PAXX: variants seen among roughly 807,000 people sequenced by gnomAD.
PAXX encodes PAXX non-homologous end joining factor, also known as protein PAXX.
A neutral mutation model predicts 25.6 loss-of-function variants in PAXX; 27 were observed. The observed-to-expected ratio is 1.06, with a 90% confidence interval of 0.78 to 1.46. PAXX has a LOEUF of 1.46. PAXX is among the 40% of genes most tolerant of loss of function. PAXX has a pLI of 0.00. For synonymous variants in PAXX, 126 were observed against 125.7 expected (o/e 1.00, Z -0.02); for missense variants, 295 against 280.2 (o/e 1.05, Z -0.38).
chr9:136,993,693 C>G, intron 6 of PAXX, 29 bp downstream of exon 6: 2 of 1,613,324 alleles, frequency 1.2e-6, no homozygotes, highest in Non-Finnish European at 1.7e-6. Context: ...CTTCCTGCGC[C>G]CAGGGTCCAA....
chr9:136,993,140 C>T lies in PAXX; in HGVS notation c.318C>T (p.Ala106=), dbSNP rs1422291680. The T allele has an allele frequency of 1.3e-6, 2 of 1,595,244 alleles. No individual in the cohort carries two copies. The highest frequency in any genetic ancestry group is 1.7e-6 in the Non-Finnish European group (2 of 1,171,260). Reference sequence around the variant, plus strand: ...TTTCAGGGGGGCCCTCGGCACTGGCCTTTGACCTCTCCAAGGTACCAGGCC... The same window carrying T: ...TTTCAGGGGGGCCCTCGGCACTGGCTTTTGACCTCTCCAAGGTACCAGGCC... ...LTLSGGPSAL[A]FDLSKVPGPE... Residue 106 remains alanine (A), a synonymous_variant, in exon 4 of 7, where the codon GCC becomes GCT. Coordinates refer to ENST00000371620, the MANE Select transcript of PAXX (RefSeq NM_183241.3).
At position 136,993,345 on chromosome 9, in the gene PAXX, G is replaced by A; in HGVS notation, c.424G>A (p.Ala142Thr). Residue 142 changes from alanine to threonine, a missense_variant and splice_region_variant, in exon 5 of 7, where the codon GCA becomes ACA. Coordinates refer to ENST00000371620, the MANE Select transcript of PAXX (RefSeq NM_183241.3). ...TTCCCATGGGCTTTCCTCCCCAGCT[G>A]CAGAAGAGACAGCTGTCAGCCCGAG... Reference protein sequence around the residue: ...VWSLERRLAAAEETAVSPRKS... With the variant: ...VWSLERRLAATEETAVSPRKS... 1 of 1,605,308 alleles carries A rather than the reference G, an allele frequency of 6.2e-7. No individual in the cohort carries two copies. Among genetic ancestry groups the A allele is most frequent in the African/African-American group, 1.3e-5 (1 of 74,810 alleles).
Position 136,992,679 on chromosome 9 carries a change from G to T in PAXX, c.159G>T (p.Thr53=), listed in dbSNP as rs1297384997. ...DAAELWSTCF[T]PDSLAALKAR... ...CGGAGCTTTGGAGCACCTGCTTCAC[G>T]CCGGACAGCCTGGCGGCCCTCGTGG... The change falls in exon 2 of 7, where the codon ACG becomes ACT. Residue 53 remains threonine (T), a synonymous_variant. Coordinates refer to ENST00000371620, the MANE Select transcript of PAXX (RefSeq NM_183241.3). The T allele has an allele frequency of 6.5e-7, 1 of 1,540,560 alleles. No homozygotes were observed. Among genetic ancestry groups the T allele is most frequent in the African/African-American group, 1.4e-5 (1 of 73,182 alleles).
chr9:136,993,645 ATCAACCCCGGGT>A lies in PAXX; in HGVS notation c.561_572del (p.Asn187_Phe190del). On this transcript the variant is annotated inframe_deletion, in exon 6 of 7. Transcript: ENST00000371620. ...GAGGCGGTGTCCAGGAGAGTCGCTC[ATCAACCCCGGGT>A]TCAAGAGGTACCCTCCCACAGCCCC... The A allele has an allele frequency of 6.2e-7, 1 of 1,613,768 alleles. No individual in the cohort carries two copies. Among genetic ancestry groups the A allele is most frequent in the Non-Finnish European group, 8.5e-7 (1 of 1,179,982 alleles).
Position 136,992,503 on chromosome 9 carries a change from C to G in PAXX, c.60C>G (p.Phe20Leu). The change falls in exon 1 of 7, where the codon TTC (phenylalanine) becomes TTG (leucine). Residue 20 changes from phenylalanine to leucine, a missense_variant. By Grantham distance (22) the Phe-to-Leu change is conservative (BLOSUM62 0). Transcript: ENST00000371620. ...TLPPGPEPPRFVCYCEGEESG... is the reference protein window; with the variant it reads ...TLPPGPEPPRLVCYCEGEESG... Reference sequence around the variant, plus strand: ...CGCCGGGCCCCGAGCCGCCCCGCTTCGTGTGCTACTGCGAAGGGGAGGAAA... The same window carrying G: ...CGCCGGGCCCCGAGCCGCCCCGCTTGGTGTGCTACTGCGAAGGGGAGGAAA... 4 of 1,411,386 alleles carry G rather than the reference C, an allele frequency of 2.8e-6. No individual in the cohort carries two copies. Among genetic ancestry groups the G allele is most frequent in the Non-Finnish European group, 3.7e-6 (4 of 1,079,628 alleles). 87.4% of individuals were successfully genotyped at this position (1,411,386 alleles called of 1,614,324 possible).
At chr9:136,992,606 C>A in intron 1 of PAXX, 34 bp from the exon 2 acceptor site, 4 of 1,531,166 alleles carry the variant, frequency 2.6e-6, no homozygotes, top group Non-Finnish European at 2.6e-6. Context: ...GGGAGCTCCG[C>A]GGGCGGCCCC....
Position 136,992,546 on chromosome 9 carries a change from G to A in PAXX, c.103G>A (p.Gly35Ser). ...GGAGGAAAGCGGGGAGGGGGACCGC[G>A]GCGGCTTCAACCTCTAGTGAGTGGG... is the stretch of plus-strand genomic sequence containing the variant. ...EGEESGEGDR[G>S]GFNLYVTDAA... Residue 35 changes from glycine (G) to serine (S), a missense_variant, in exon 1 of 7, where the codon GGC becomes AGC. Coordinates refer to ENST00000371620, the MANE Select transcript of PAXX (RefSeq NM_183241.3). 6.8e-7 allele frequency: 1 copy of A among 1,463,482 alleles called. No individual in the cohort carries two copies. Among genetic ancestry groups the A allele is most frequent in the Non-Finnish European group, 9.1e-7 (1 of 1,102,430 alleles). The allele number at this position is 1,463,482 out of a possible 1,614,324, so 90.7% of individuals were successfully genotyped here. A position where few individuals can be genotyped will look rare whatever the true frequency, so the allele number is the denominator to read the frequency against.
rs1183599659 is a variant in PAXX, at chr9:136,992,991, G to T, written c.230+17G>T. On this transcript the variant is annotated intron_variant, in intron 3 of 6. Coordinates refer to ENST00000371620, the MANE Select transcript of PAXX (RefSeq NM_183241.3). ...CCGGTTCAGGTGAGACCCAAGCAGG[G>T]AGGAAGGACGGGTGGGGAGGAGGAG... is the stretch of plus-strand genomic sequence containing the variant. 1.2e-6 allele frequency: 2 copies of T among 1,613,454 alleles called. No homozygotes were observed. The highest frequency in any genetic ancestry group is 2.2e-5 in the East Asian group (1 of 44,884).
intron 6 of PAXX, 50 bp from the exon 7 acceptor site, chr9:136,993,716 C>T (rs914290063): frequency 4.2e-5 from 68 of 1,612,938 alleles, no homozygotes; most frequent in Non-Finnish European, 5.1e-5. Context: ...CTGGACCCCA[C>T]CCCTTTCTCC....
Position 136,992,558 on chromosome 9 carries a change from C to A in PAXX, c.115C>A (p.Leu39Ile). ...GGAGGGGGACCGCGGCGGCTTCAACCTCTAGTGAGTGGGGGTCCGCGGGGA... is the reference window on the plus strand; with the variant it reads ...GGAGGGGGACCGCGGCGGCTTCAACATCTAGTGAGTGGGGGTCCGCGGGGA... ...SGEGDRGGFNLYVTDAAELWS... is the reference protein window; with the variant it reads ...SGEGDRGGFNIYVTDAAELWS... Residue 39 changes from leucine to isoleucine, a missense_variant, in exon 1 of 7, where the codon CTC (leucine) becomes ATC (isoleucine). Leu to Ile is a conservative substitution (Grantham distance 5, BLOSUM62 2). Transcript: ENST00000371620. 6.7e-7 allele frequency: 1 copy of A among 1,497,572 alleles called. No homozygotes were observed. The highest frequency in any genetic ancestry group is 2.2e-5 in the Admixed American group (1 of 45,006). 92.8% of individuals were successfully genotyped at this position (1,497,572 alleles called of 1,614,324 possible).
In PAXX at chr9:136,993,132, G is replaced by A; in HGVS notation, c.310G>A (p.Ala104Thr). 6.3e-7 allele frequency: 1 copy of A among 1,599,056 alleles called. No homozygotes were observed. Among genetic ancestry groups the A allele is most frequent in the South Asian group, 1.1e-5 (1 of 89,488 alleles). Residue 104 changes from alanine (A) to threonine (T), a missense_variant, in exon 4 of 7, where the codon GCA becomes ACA. Ala to Thr is a moderately conservative substitution (Grantham distance 58). Transcript: ENST00000371620. ...ASLTLSGGPS[A>T]LAFDLSKVPG... Reference sequence around the variant, plus strand: ...CCTGACGCTTTCAGGGGGGCCCTCGGCACTGGCCTTTGACCTCTCCAAGGT... The same window carrying A: ...CCTGACGCTTTCAGGGGGGCCCTCGACACTGGCCTTTGACCTCTCCAAGGT...
chr9:136,992,571 G>T lies in PAXX; in HGVS notation c.119+9G>T. The T allele has an allele frequency of 6.6e-7, 1 of 1,507,958 alleles. No individual in the cohort carries two copies. 93.4% of individuals were successfully genotyped at this position (1,507,958 alleles called of 1,614,324 possible). A position where few individuals can be genotyped will look rare whatever the true frequency, so the allele number is the denominator to read the frequency against. On this transcript the variant is annotated intron_variant, in intron 1 of 6. Transcript: ENST00000371620. ...GGCGGCTTCAACCTCTAGTGAGTGGGGGTCCGCGGGGAGGTAGGGGTGCAG... is the reference window on the plus strand; with the variant it reads ...GGCGGCTTCAACCTCTAGTGAGTGGTGGTCCGCGGGGAGGTAGGGGTGCAG...
chr9:136,992,568 T>TG lies in PAXX; in HGVS notation c.119+11dup. ...CGCGGCGGCTTCAACCTCTAGTGAGTGGGGGTCCGCGGGGAGGTAGGGGTG... is the reference window on the plus strand; with the variant it reads ...CGCGGCGGCTTCAACCTCTAGTGAGTGGGGGGTCCGCGGGGAGGTAGGGGTG... On this transcript the variant is annotated splice_region_variant and intron_variant, in intron 1 of 6. Transcript: ENST00000371620. 2 of 1,506,592 alleles carry TG rather than the reference T, an allele frequency of 1.3e-6. No homozygotes were observed. The highest frequency in any genetic ancestry group is 2.8e-5 in the African/African-American group (2 of 71,982). 93.3% of individuals were successfully genotyped at this position (1,506,592 alleles called of 1,614,324 possible). A position where few individuals can be genotyped will look rare whatever the true frequency, so the allele number is the denominator to read the frequency against.
Position 136,993,879 on chromosome 9 carries a change from A to G in PAXX, c.*74A>G. The G allele has an allele frequency of 6.8e-7, 1 of 1,473,334 alleles. No individual in the cohort carries two copies. Among genetic ancestry groups the G allele is most frequent in the Non-Finnish European group, 9.3e-7 (1 of 1,076,116 alleles). 91.3% of individuals were successfully genotyped at this position (1,473,334 alleles called of 1,614,324 possible). A position where few individuals can be genotyped will look rare whatever the true frequency, so the allele number is the denominator to read the frequency against. ...AGGCAGTCTTTGAGGCCCCCATCAG[A>G]GACCCCCCGCCACCACCTCCACCTG... On this transcript the variant is annotated 3_prime_UTR_variant, in exon 7 of 7. Transcript: ENST00000371620.
In PAXX at chr9:136,992,970, T is replaced by C. The variant is rs1026698087; in HGVS notation, c.226T>C (p.Phe76Leu). ...TGCGGCTGAGGACATCACCCCCCGGTTCAGGTGAGACCCAAGCAGGGAGGA... is the reference window on the plus strand; with the variant it reads ...TGCGGCTGAGGACATCACCCCCCGGCTCAGGTGAGACCCAAGCAGGGAGGA... Reference protein sequence around the residue: ...LSAAEDITPRFRAACEQQAVA... With the variant: ...LSAAEDITPRLRAACEQQAVA... The change falls in exon 3 of 7, where the codon TTC becomes CTC. Residue 76 changes from phenylalanine to leucine, a missense_variant. Phe to Leu is a conservative substitution (Grantham distance 22). Transcript: ENST00000371620. 1.9e-6 allele frequency: 3 copies of C among 1,613,356 alleles called. No individual in the cohort carries two copies. In the African/African-American group the frequency reaches 4.0e-5, roughly 22 times the overall value.
rs769498857 is a variant in PAXX, at chr9:136,993,125, G to C, written c.303G>C (p.Gly101=). The change falls in exon 4 of 7, where the codon GGG becomes GGC. Residue 101 remains glycine, a synonymous_variant. Transcript: ENST00000371620. ...EDRASLTLSG[G]PSALAFDLSK... is the part of the protein sequence containing the mutation. ...GAGCATCCCTGACGCTTTCAGGGGG[G>C]CCCTCGGCACTGGCCTTTGACCTCT... is the stretch of plus-strand genomic sequence containing the variant. 6.2e-7 allele frequency: 1 copy of C among 1,601,166 alleles called. No homozygotes were observed. Among genetic ancestry groups the C allele is most frequent in the East Asian group, 2.2e-5 (1 of 44,780 alleles).
At chr9:136,993,495 C>A in intron 5 of PAXX, 84 bp downstream of exon 5, 1 of 1,598,250 alleles carries the variant, frequency 6.3e-7, no homozygotes, top group South Asian at 1.1e-5. Context: ...ACTCACGCTC[C>A]AGAGAGAATG....
chr9:136,993,013 G>T (rs2131406966), intron 3 of PAXX, 39 bp downstream of exon 3: 3 of 1,613,148 alleles, frequency 1.9e-6, no homozygotes, highest in Middle Eastern at 3.3e-4. Context: ...GTGGGGAGGA[G>T]GAGGGTCTGC....
chr9:136,992,460 C>A lies in PAXX; in HGVS notation c.17C>A (p.Pro6Gln), dbSNP rs1369512197. 7 of 1,337,518 alleles carry A rather than the reference C, an allele frequency of 5.2e-6. 1 individual carries two copies. In the South Asian group the frequency reaches 1.0e-4, roughly 20 times the overall value. 82.9% of individuals were successfully genotyped at this position (1,337,518 alleles called of 1,614,324 possible). The change falls in exon 1 of 7, where the codon CCG becomes CAG. Residue 6 changes from proline (P) to glutamine (Q), a missense_variant. By Grantham distance (76) the Pro-to-Gln change is moderately conservative. Transcript: ENST00000371620. ...CCCGGCGCCATGGATCCGCTGTCGCCGCCGCTCTGCACGCTGCCGCCGGGC... is the reference window on the plus strand; with the variant it reads ...CCCGGCGCCATGGATCCGCTGTCGCAGCCGCTCTGCACGCTGCCGCCGGGC... MDPLS[P>Q]PLCTLPPGPE...
Sources: gnomAD v4.1 joint callset for allele counts on GRCh38, gnomAD v4.1.1 for gene constraint, MANE v1.5 for transcripts, NCBI Gene and HGNC (gene_info 2026-07-23, HGNC 2026-07-21) for gene names.